Variants in PTGER3 observed in about 807,000 individuals in gnomAD.
PTGER3 encodes prostaglandin E receptor 3.
A neutral mutation model predicts 34.7 loss-of-function variants in PTGER3; 22 were observed. The ratio of observed to expected loss-of-function variants is 0.63; its 90% confidence interval spans 0.45 to 0.91. PTGER3 has a LOEUF of 0.91. Among genes scored for constraint, PTGER3 ranks in the 40% least tolerant of loss-of-function variants. PTGER3 has a pLI of 0.00. For missense variants in PTGER3, 468 were observed against 519.4 expected, an observed-to-expected ratio of 0.90 and a Z score of 0.96; for synonymous variants, 241 against 230.1, an observed-to-expected ratio of 1.05 and a Z score of -0.43.
intron 1 of PTGER3, among the ~76,000 whole-genome samples, chr1:71,035,534 T>G (rs974495592): frequency 1.3e-5 from 2 of 152,194 alleles, no homozygotes; most frequent in Admixed American, 6.5e-5. Context: ...TATATTAATG[T>G]CTCTACATCT....
At position 70,940,217 on chromosome 1, in the gene PTGER3, C is replaced by T. The variant is rs192959157; in HGVS notation, c.*23+13546G>A. Reference sequence around the variant, plus strand: ...TCACCTTTACTCCATTTCCCAACAACTTCCTCACCTCCACCTGAGACCACC... The same window carrying T: ...TCACCTTTACTCCATTTCCCAACAATTTCCTCACCTCCACCTGAGACCACC... On this transcript the variant is annotated intron_variant, in intron 4 of 4. Coordinates refer to the PTGER3 transcript ENST00000370931. Among the ~76,000 whole-genome samples the T allele has an allele frequency of 3.9e-3, 590 of 152,296 alleles. 2 individuals carry two copies. Among genetic ancestry groups the T allele is most frequent in the Non-Finnish European group, 6.4e-3 (437 of 68,028 alleles).
chr1:70,903,499 C>T (rs1265115668), intron 4 of PTGER3, among the ~76,000 whole-genome samples: 1 of 152,036 alleles, frequency 6.6e-6, no homozygotes, highest in African/African-American at 2.4e-5. Context: ...GTTTCTTTTT[C>T]CATTTATTGT....
At chr1:70,981,762 T>G (rs646511) in intron 2 of PTGER3, among the ~76,000 whole-genome samples, 92,789 of 151,716 alleles carry the variant, frequency 0.61, 28,601 homozygotes, top group Middle Eastern at 0.65. Flanking sequence ...TAACATAAGT[T>G]TTGATCTATT....
rs750002212 is a variant in PTGER3, at chr1:71,028,491, C to G, written c.898-16007G>C. 3.9e-5 allele frequency among the ~76,000 whole-genome samples: 6 copies of G among 152,300 alleles called. No individual in the cohort carries two copies. The Middle Eastern group carries it at 0.01, about 259-fold the overall frequency. Reference sequence around the variant, plus strand: ...CCCAAACCACTACATTACATCATCTCTAATAATGACTGAGGGCAACATAAA... The same window carrying G: ...CCCAAACCACTACATTACATCATCTGTAATAATGACTGAGGGCAACATAAA... On this transcript the variant is annotated intron_variant, in intron 1 of 3. Transcript: ENST00000306666.
Position 71,021,605 on chromosome 1 carries a change from C to T in PTGER3, c.898-9121G>A, listed in dbSNP as rs535385249. Among the ~76,000 whole-genome samples the T allele has an allele frequency of 3.3e-5, 5 of 151,896 alleles. No individual in the cohort carries two copies. In the East Asian group the frequency reaches 5.8e-4, roughly 18 times the overall value. On this transcript the variant is annotated intron_variant, in intron 1 of 3. Coordinates refer to ENST00000306666, the MANE Select transcript of PTGER3 (RefSeq NM_198719.2). ...TTGTCAAGGCTTAAAGTACATTAAT[C>T]CTTAAAAATGCTTAGATTTCAGAGT... is the stretch of plus-strand genomic sequence containing the variant.
At chr1:70,904,654 A>G (rs551448663) in intron 4 of PTGER3, among the ~76,000 whole-genome samples, 2 of 152,272 alleles carry the variant, frequency 1.3e-5, no homozygotes, top group Admixed American at 1.3e-4. Flanking sequence ...AGGATGATTT[A>G]GGGTATCTGG....
chr1:70,863,746 G>A (rs763730120), intron 4 of PTGER3, among the ~76,000 whole-genome samples: 1 of 151,428 alleles, frequency 6.6e-6, no homozygotes, highest in South Asian at 2.1e-4. Flanking sequence ...AAGGCATTTT[G>A]GTAGCAATAA....
intron 4 of PTGER3, among the ~76,000 whole-genome samples, chr1:70,863,894 T>C (rs755952545): frequency 8.5e-5 from 13 of 152,138 alleles, no homozygotes; most frequent in Non-Finnish European, 1.6e-4. Flanking sequence ...ACCCATATTA[T>C]ATTGGGACAT....
chr1:70,904,133 G>A (rs1646897244), intron 4 of PTGER3, among the ~76,000 whole-genome samples: 1 of 152,106 alleles, frequency 6.6e-6, no homozygotes, highest in African/African-American at 2.4e-5. Context: ...CTCTTTGCCT[G>A]CCCGCCATCA....
At chr1:70,960,664 T>C (rs930505162) in intron 2 of PTGER3, among the ~76,000 whole-genome samples, 16 of 151,940 alleles carry the variant, frequency 1.1e-4, no homozygotes, top group African/African-American at 3.9e-4. Flanking sequence ...AGGAAAATAA[T>C]AAAGAATCCT....
At chr1:71,008,693 T>G (rs747439698) in intron 2 of PTGER3, 1 of 982,214 alleles carries the variant, frequency 1.0e-6, no homozygotes, top group Non-Finnish European at 1.2e-6. Context: ...AGTTGCACAA[T>G]TCTGCACATT....
intron 4 of PTGER3, among the ~76,000 whole-genome samples, chr1:70,872,011 A>T (rs1449872152): frequency 1.3e-5 from 2 of 152,220 alleles, no homozygotes; most frequent in Non-Finnish European, 2.9e-5. Context: ...CACTCCAAGA[A>T]TTATAAATAG....
intron 4 of PTGER3, among the ~76,000 whole-genome samples, chr1:70,888,240 C>T (rs779602415): frequency 6.6e-6 from 1 of 151,252 alleles, no homozygotes; most frequent in Non-Finnish European, 1.5e-5. Context: ...TTTATGAATT[C>T]GGGCAGATCC....
At chr1:71,020,255 C>A (rs999321066) in intron 1 of PTGER3, among the ~76,000 whole-genome samples, 1 of 133,552 alleles carries the variant, frequency 7.5e-6, no homozygotes, top group African/African-American at 2.5e-5. Context: ...ATAAACAGCT[C>A]ATAAACATTA....
chr1:71,007,377 A>T (rs1657064238), intron 2 of PTGER3: 1 of 985,748 alleles, frequency 1.0e-6, no homozygotes, highest in East Asian at 1.1e-4. Context: ...CTTTCAAGGA[A>T]GAGTTGGGAA....
At chr1:71,008,896 T>C in intron 2 of PTGER3, 1 of 973,800 alleles carries the variant, frequency 1.0e-6, no homozygotes, top group Non-Finnish European at 1.2e-6. Context: ...CCCTGTGTCA[T>C]TCAGCTCCTA....
intron 4 of PTGER3, among the ~76,000 whole-genome samples, chr1:70,906,215 A>G (rs1646945005): frequency 6.6e-6 from 1 of 152,192 alleles, no homozygotes; most frequent in African/African-American, 2.4e-5. Flanking sequence ...TTAGGTGTTT[A>G]TCAGCAGCGT....
chr1:70,944,864 C>T (rs1486544723), intron 4 of PTGER3, among the ~76,000 whole-genome samples: 2 of 151,994 alleles, frequency 1.3e-5, no homozygotes, highest in African/African-American at 4.8e-5. Context: ...GTTTTGGGTC[C>T]TTGTCACCAG....
At chr1:71,008,176 G>T in intron 2 of PTGER3, 1 of 954,298 alleles carries the variant, frequency 1.0e-6, no homozygotes, top group Non-Finnish European at 1.2e-6. Flanking sequence ...AGAAAACAGT[G>T]TAGTTTCAAA....
Sources: allele counts gnomAD v4.1 joint callset (sites outside exome capture counted in the v4.1 genomes callset), GRCh38; gene constraint gnomAD v4.1.1; transcripts MANE v1.5; gene names NCBI Gene and HGNC (gene_info 2026-07-23, HGNC 2026-07-21).